Variants in SORCS2 observed in about 807,000 individuals in gnomAD.
SORCS2 encodes the protein sortilin related VPS10 domain containing receptor 2.
Under a neutral mutation model 141.6 loss-of-function variants are expected in SORCS2, and 100 were observed. That is an observed-to-expected ratio of 0.71 (90% CI 0.60 to 0.83). The LOEUF is 0.83. Ranked by LOEUF, SORCS2 falls within the 40% of genes least tolerant of loss-of-function variation. The probability of loss-of-function intolerance (pLI) is 0.00; values close to 1 mark genes in which losing one functional copy is unlikely to be tolerated. For synonymous variants in SORCS2, 789 were observed against 676.9 expected (o/e 1.17, Z -2.57); for missense variants, 1,646 against 1,560.2 (o/e 1.05, Z -0.93).
intron 11 of SORCS2, among the ~76,000 whole-genome samples, chr4:7,695,095 A>G (rs1349216031): frequency 6.6e-6 from 1 of 151,778 alleles, no homozygotes; most frequent in East Asian, 2.0e-4. Context: ...CTGTGCAGAG[A>G]GTAGACACTC....
intron 8 of SORCS2, among the ~76,000 whole-genome samples, chr4:7,672,616 C>G (rs909820127): frequency 6.6e-6 from 1 of 151,780 alleles, no homozygotes; most frequent in Admixed American, 6.6e-5. Flanking sequence ...ACCCTTTCTA[C>G]CTGCTTGCCT....
At chr4:7,234,351 A>T (rs555690936) in intron 1 of SORCS2, among the ~76,000 whole-genome samples, 20 of 152,230 alleles carry the variant, frequency 1.3e-4, no homozygotes, top group Non-Finnish European at 2.1e-4. Context: ...GAGTTCTCCC[A>T]GAAGTTTCCA....
At chr4:7,548,835 G>A (rs1560377723) in intron 3 of SORCS2, among the ~76,000 whole-genome samples, 1 of 152,220 alleles carries the variant, frequency 6.6e-6, no homozygotes, top group Non-Finnish European at 1.5e-5. Flanking sequence ...CATCTAACAT[G>A]AGACACTGAG....
chr4:7,650,688 G>GTCCCCGCC (rs1419431833), intron 4 of SORCS2, among the ~76,000 whole-genome samples: 1 of 150,698 alleles, frequency 6.6e-6, no homozygotes, highest in East Asian at 2.0e-4. Context: ...GCAGACCCGG[G>GTCCCCGCC]TCCCCGCCTC....
At chr4:7,226,681 G>T (rs557092745) in intron 1 of SORCS2, among the ~76,000 whole-genome samples, 1 of 152,098 alleles carries the variant, frequency 6.6e-6, no homozygotes. Context: ...CAGAGTCACC[G>T]CTGAGGTTAA....
At chr4:7,263,792 G>T (rs1714527889) in intron 1 of SORCS2, among the ~76,000 whole-genome samples, 1 of 152,206 alleles carries the variant, frequency 6.6e-6, no homozygotes, top group Non-Finnish European at 1.5e-5. Flanking sequence ...TCTCAAAACA[G>T]CCAGGGCTGG....
At chr4:7,209,418 G>C (rs4689636) in intron 1 of SORCS2, among the ~76,000 whole-genome samples, 38,356 of 152,062 alleles carry the variant, frequency 0.25, 5,142 homozygotes, top group East Asian at 0.42. Flanking sequence ...GGGAGGACTT[G>C]GGAGGCTGTG....
At chr4:7,400,603 T>C (rs1724513417) in intron 2 of SORCS2, among the ~76,000 whole-genome samples, 1 of 151,970 alleles carries the variant, frequency 6.6e-6, no homozygotes, top group African/African-American at 2.4e-5. Flanking sequence ...ATGTTGGGCA[T>C]TGGATGAATG....
intron 3 of SORCS2, among the ~76,000 whole-genome samples, chr4:7,630,362 T>C (rs1034559890): frequency 6.6e-6 from 1 of 152,210 alleles, no homozygotes; most frequent in African/African-American, 2.4e-5. Flanking sequence ...TCTTTCTGGT[T>C]GAAGAAAGCA....
At chr4:7,319,754 G>T (rs1210072047) in intron 1 of SORCS2, among the ~76,000 whole-genome samples, 1 of 152,172 alleles carries the variant, frequency 6.6e-6, no homozygotes, top group Non-Finnish European at 1.5e-5. Context: ...CTAAAATCTG[G>T]AATGGCTTCT....
chr4:7,705,268 C>CGCCTCTAGA (rs897454301), intron 14 of SORCS2, among the ~76,000 whole-genome samples: 5 of 152,124 alleles, frequency 3.3e-5, no homozygotes, highest in Non-Finnish European at 7.4e-5. Context: ...AGGAAGCCTC[C>CGCCTCTAGA]GCCTCTAGAG....
intron 2 of SORCS2, among the ~76,000 whole-genome samples, chr4:7,424,247 C>A (rs905830393): frequency 6.6e-5 from 10 of 152,184 alleles, no homozygotes; most frequent in Non-Finnish European, 1.5e-5. Context: ...TCCCTCTGAG[C>A]CTCTGGCTCC....
chr4:7,736,145 C>G (rs963355187), intron 25 of SORCS2, among the ~76,000 whole-genome samples: 1 of 152,260 alleles, frequency 6.6e-6, no homozygotes, highest in Non-Finnish European at 1.5e-5. Flanking sequence ...CGGGAGCTCC[C>G]GGCTTGCTCA....
At chr4:7,704,144 A>G (rs780973422) in intron 13 of SORCS2, 33 bp from the exon 14 acceptor site, 3 of 1,589,748 alleles carry the variant, frequency 1.9e-6, no homozygotes, top group Non-Finnish European at 2.6e-6. Context: ...TTTCCAGCCC[A>G]CCCCAGAGAT....
intron 19 of SORCS2, among the ~76,000 whole-genome samples, chr4:7,724,142 A>ATGG (rs1224969126): frequency 1.8e-4 from 18 of 99,396 alleles, no homozygotes; most frequent in African/African-American, 5.4e-4. Context: ...GGTGGTGGTG[A>ATGG]TGGTCGTGGT....
chr4:7,209,586 C>G (rs528128786), intron 1 of SORCS2, among the ~76,000 whole-genome samples: 1 of 152,242 alleles, frequency 6.6e-6, no homozygotes, highest in East Asian at 1.9e-4. Context: ...TGGGTGGGCT[C>G]GTCCCCTTCT....
intron 2 of SORCS2, among the ~76,000 whole-genome samples, chr4:7,422,205 C>A (rs1726124503): frequency 1.3e-5 from 2 of 152,220 alleles, no homozygotes; most frequent in Admixed American, 1.3e-4. Flanking sequence ...CATTCTCTGA[C>A]CTTCTCCTGT....
intron 4 of SORCS2, among the ~76,000 whole-genome samples, chr4:7,649,225 C>T (rs62290668): frequency 0.13 from 20,026 of 151,998 alleles, 2,486 homozygotes; most frequent in African/African-American, 0.33. Flanking sequence ...GCACAGCACG[C>T]GCAGATGCTC....
rs73088065 is a variant in SORCS2, at chr4:7,478,975, T to C, written c.549-52555T>C. Among the ~76,000 whole-genome samples, 243 of 152,286 alleles carry C rather than the reference T, an allele frequency of 1.6e-3. 1 individual carries two copies. Among genetic ancestry groups the C allele is most frequent in the African/African-American group, 5.4e-3 (224 of 41,556 alleles). ...CTCCTGATAGCTTTGTGTCACCTAA[T>C]AAAAATGACTTCCGAGGGTTCCCCA... On this transcript the variant is annotated intron_variant, in intron 2 of 26. Transcript: ENST00000507866.
Sources: allele counts gnomAD v4.1 joint callset (sites outside exome capture counted in the v4.1 genomes callset), GRCh38; gene constraint gnomAD v4.1.1; transcripts MANE v1.5; gene names NCBI Gene and HGNC (gene_info 2026-07-23, HGNC 2026-07-21).